MEGF11: variants seen among roughly 807,000 people sequenced by gnomAD.
The protein encoded by MEGF11 is multiple EGF like domains 11, also known as multiple epidermal growth factor-like domains protein 11.
A neutral mutation model predicts 146.6 loss-of-function variants in MEGF11; 126 were observed. That is an observed-to-expected ratio of 0.86 (90% CI 0.74 to 1.00). The LOEUF (loss-of-function observed/expected upper bound fraction) is 1.00, where lower values mean the gene tolerates loss of function less well. Among genes scored for constraint, MEGF11 ranks in the 50% least tolerant of loss-of-function variants. MEGF11 has a pLI of 0.00. For missense variants in MEGF11, 1,509 were observed against 1,521.2 expected, an observed-to-expected ratio of 0.99 and a Z score of 0.13; for synonymous variants, 532 against 583.4, an observed-to-expected ratio of 0.91 and a Z score of 1.27.
intron 1 of MEGF11, among the ~76,000 whole-genome samples, chr15:66,177,602 G>GT (rs1372988652): frequency 6.6e-6 from 1 of 151,344 alleles, no homozygotes; most frequent in African/African-American, 2.4e-5. Flanking sequence ...CCAAAGCACT[G>GT]TAAGTATCGT....
intron 1 of MEGF11, among the ~76,000 whole-genome samples, chr15:66,181,720 G>A (rs2090554640): frequency 6.6e-6 from 1 of 152,180 alleles, no homozygotes; most frequent in Non-Finnish European, 1.5e-5. Context: ...GGAACCACAG[G>A]CATAGACTAA....
At position 65,937,511 on chromosome 15, in the gene MEGF11, T is replaced by C. The variant is rs567635060; in HGVS notation, c.1288-6568A>G. ...TTTCTTTATCAATCATCTGAGGCTA[T>C]TGAAACCAGTCTCCCCAACTTCTCA... On this transcript the variant is annotated intron_variant, in intron 10 of 25. Transcript: ENST00000395614. 3.9e-5 allele frequency among the ~76,000 whole-genome samples: 6 copies of C among 152,374 alleles called. No individual in the cohort carries two copies. In the South Asian group the frequency reaches 8.3e-4, roughly 21 times the overall value.
intron 4 of MEGF11, among the ~76,000 whole-genome samples, chr15:66,097,835 G>A (rs1471524600): frequency 1.3e-5 from 2 of 151,952 alleles, no homozygotes; most frequent in African/African-American, 4.8e-5. Context: ...GCACCCACAC[G>A]TGTGATGCCA....
chr15:66,000,128 C>A (rs1051905496), intron 5 of MEGF11, among the ~76,000 whole-genome samples: 6 of 152,228 alleles, frequency 3.9e-5, no homozygotes, highest in African/African-American at 1.2e-4. Context: ...TGGTGAAGGG[C>A]AGCTTAGGTG....
At chr15:66,059,788 C>A (rs1028587690) in intron 5 of MEGF11, among the ~76,000 whole-genome samples, 13 of 152,194 alleles carry the variant, frequency 8.5e-5, no homozygotes, top group African/African-American at 2.9e-4. Context: ...GGTAGAACTG[C>A]TCCTTCTAGA....
intron 1 of MEGF11, among the ~76,000 whole-genome samples, chr15:66,246,614 G>T (rs546155809): frequency 1.3e-4 from 19 of 151,958 alleles, no homozygotes; most frequent in African/African-American, 4.6e-4. Context: ...ACACTAGCCT[G>T]GGCAATATGG....
At chr15:66,157,868 T>C (rs151091125) in intron 1 of MEGF11, among the ~76,000 whole-genome samples, 1 of 152,244 alleles carries the variant, frequency 6.6e-6, no homozygotes, top group African/African-American at 2.4e-5. Flanking sequence ...AAAGTTTTGT[T>C]GCAAAGTATT....
intron 5 of MEGF11, among the ~76,000 whole-genome samples, chr15:66,022,556 G>A (rs1255334633): frequency 2.0e-5 from 3 of 152,226 alleles, no homozygotes; most frequent in Non-Finnish European, 4.4e-5. Context: ...CCAGCACAGT[G>A]GCTTACACCT....
At chr15:66,191,575 C>T (rs908522072) in intron 1 of MEGF11, among the ~76,000 whole-genome samples, 1 of 152,146 alleles carries the variant, frequency 6.6e-6, no homozygotes. Flanking sequence ...CTGCTTTCCC[C>T]CGAGGGGAGA....
intron 1 of MEGF11, among the ~76,000 whole-genome samples, chr15:66,217,543 G>C (rs1004426135): frequency 6.6e-6 from 1 of 152,250 alleles, no homozygotes; most frequent in Admixed American, 6.5e-5. Flanking sequence ...TCTTTGTAGA[G>C]GTGGCCAACA....
At chr15:65,921,753 A>G (rs182257076) in intron 15 of MEGF11, 1 of 152,646 alleles carries the variant, frequency 6.6e-6, no homozygotes, top group Admixed American at 6.5e-5. Flanking sequence ...TTCCCCCACA[A>G]AGAGCTGGTA....
At chr15:66,183,552 A>C (rs890396549) in intron 1 of MEGF11, among the ~76,000 whole-genome samples, 1 of 152,016 alleles carries the variant, frequency 6.6e-6, no homozygotes, top group Non-Finnish European at 1.5e-5. Flanking sequence ...AAAAAAAAAA[A>C]AAAGAAAACG....
intron 5 of MEGF11, among the ~76,000 whole-genome samples, chr15:66,050,133 C>T (rs999958348): frequency 6.6e-6 from 1 of 152,182 alleles, no homozygotes; most frequent in African/African-American, 2.4e-5. Context: ...GATCATAGCT[C>T]ACTGCAGCCT....
intron 5 of MEGF11, among the ~76,000 whole-genome samples, chr15:66,084,964 C>A (rs928030299): frequency 6.6e-6 from 1 of 152,034 alleles, no homozygotes; most frequent in African/African-American, 2.4e-5. Context: ...GCGAAGGTGG[C>A]GGGGGAAGGG....
intron 1 of MEGF11, among the ~76,000 whole-genome samples, chr15:66,140,476 G>A (rs186308476): frequency 3.3e-5 from 5 of 152,272 alleles, no homozygotes; most frequent in Admixed American, 6.5e-5. Flanking sequence ...GCAGGCCTGG[G>A]CCCATGAGGT....
chr15:65,922,961 A>G lies in MEGF11; in HGVS notation c.1684T>C (p.Cys562Arg), dbSNP rs2079228965. 6 of 1,612,640 alleles carry G rather than the reference A, an allele frequency of 3.7e-6. No homozygotes were observed. Among genetic ancestry groups the G allele is most frequent in the Middle Eastern group, 1.7e-4 (1 of 6,050 alleles). ...CCLAGWTGIR[C>R]DSTCPPGRWG... ...CGGCCAGGTGGACACGTGCTGTCACAGCGGATGCCTGTGGGCCAGAGGCAG... is the reference window on the plus strand; with the variant it reads ...CGGCCAGGTGGACACGTGCTGTCACGGCGGATGCCTGTGGGCCAGAGGCAG... Residue 562 changes from cysteine (C) to arginine (R), a missense_variant, in exon 14 of 26, where the codon TGT (cysteine) becomes CGT (arginine). Coordinates refer to ENST00000395614, the MANE Select transcript of MEGF11 (RefSeq NM_001385028.1).
chr15:66,136,869 A>G (rs1385353920), intron 1 of MEGF11, among the ~76,000 whole-genome samples: 1 of 152,124 alleles, frequency 6.6e-6, no homozygotes, highest in East Asian at 1.9e-4. Flanking sequence ...CTCTACAAAC[A>G]ATACGGGAAA....
chr15:65,916,931 G>T lies in MEGF11; in HGVS notation c.2112C>A (p.Pro704=). The T allele has an allele frequency of 6.5e-7, 1 of 1,540,600 alleles. No individual in the cohort carries two copies. The highest frequency in any genetic ancestry group is 8.8e-7 in the Non-Finnish European group (1 of 1,141,246). The change falls in exon 17 of 26, where the codon CCC becomes CCA. Residue 704 remains proline (P), a synonymous_variant. Transcript: ENST00000395614. The part of the protein sequence containing the change: ...SQACPPGFWG[P]ACFHACSCHN... ...GGCAGCTGCATGCGTGGAAGCAGGC[G>T]GGGCCCCAGAACCCGGGTGGGCAAG...
At chr15:66,234,675 T>C (rs1015933716) in intron 1 of MEGF11, among the ~76,000 whole-genome samples, 2 of 152,184 alleles carry the variant, frequency 1.3e-5, no homozygotes, top group African/African-American at 4.8e-5. Flanking sequence ...TGTCCTACAA[T>C]GGAGGGAAGA....
Sources: gnomAD v4.1 joint callset for allele counts (sites outside exome capture counted in the v4.1 genomes callset) on GRCh38, gnomAD v4.1.1 for gene constraint, MANE v1.5 for transcripts, NCBI Gene and HGNC (gene_info 2026-07-23, HGNC 2026-07-21) for gene names.